Variants in RALYL observed in about 807,000 individuals in gnomAD.
RALYL encodes RNA-binding Raly-like protein.
RALYL carries 29 observed loss-of-function variants against 35.1 expected under a neutral mutation model. That is an observed-to-expected ratio of 0.83 (90% CI 0.61 to 1.13). The LOEUF is 1.13. Ranked by LOEUF, RALYL falls within the 50% of genes most tolerant of loss-of-function variation. The probability of loss-of-function intolerance (pLI) is 0.00; values close to 1 mark genes in which losing one functional copy is unlikely to be tolerated. For missense variants in RALYL, 359 were observed against 360.4 expected (o/e 1.00, Z 0.03); for synonymous variants, 120 against 127.6 (o/e 0.94, Z 0.40).
chr8:84,912,576 T>C (rs1244736667), intron 8 of RALYL, among the ~76,000 whole-genome samples: 1 of 152,018 alleles, frequency 6.6e-6, no homozygotes, highest in Non-Finnish European at 1.5e-5. Flanking sequence ...CAGAAGAGGA[T>C]CTCCAAAACA....
At chr8:84,240,516 A>G (rs921140149) in intron 1 of RALYL, among the ~76,000 whole-genome samples, 1 of 152,200 alleles carries the variant, frequency 6.6e-6, no homozygotes, top group African/African-American at 2.4e-5. Flanking sequence ...GGGAACTTTC[A>G]TTCTTCAAGA....
intron 1 of RALYL, among the ~76,000 whole-genome samples, chr8:84,209,408 A>T (rs1818905350): frequency 6.6e-6 from 1 of 152,200 alleles, no homozygotes; most frequent in African/African-American, 2.4e-5. Flanking sequence ...CTAGACTCAG[A>T]TACTAGCTTT....
intron 1 of RALYL, among the ~76,000 whole-genome samples, chr8:84,469,316 T>C (rs1290256303): frequency 6.6e-6 from 1 of 151,860 alleles, no homozygotes; most frequent in African/African-American, 2.4e-5. Context: ...TACAGATGGG[T>C]TTTTGGTGTG....
At chr8:84,799,714 T>C (rs1822762434) in intron 3 of RALYL, among the ~76,000 whole-genome samples, 1 of 152,194 alleles carries the variant, frequency 6.6e-6, no homozygotes, top group Non-Finnish European at 1.5e-5. Flanking sequence ...CCCAGCACTT[T>C]GGGAGGCCGA....
At chr8:84,590,387 T>A (rs1347975805) in intron 2 of RALYL, among the ~76,000 whole-genome samples, 1 of 152,210 alleles carries the variant, frequency 6.6e-6, no homozygotes, top group East Asian at 1.9e-4. Flanking sequence ...CAGAATTATC[T>A]CAACAGTGTG....
At chr8:84,598,229 C>G (rs1815057147) in intron 2 of RALYL, among the ~76,000 whole-genome samples, 1 of 152,120 alleles carries the variant, frequency 6.6e-6, no homozygotes, top group Non-Finnish European at 1.5e-5. Flanking sequence ...TACAGTGGTG[C>G]AGTCATAACT....
rs144937360 is a variant in RALYL, at chr8:84,341,949, G to T, written c.-24+157525G>T. ...AATTGTGATAAGGAGGATTTAATTA[G>T]GTTGCACATGATAACCTAGTGTAAC... On this transcript the variant is annotated intron_variant, in intron 1 of 8. Coordinates refer to ENST00000521268, the MANE Select transcript of RALYL (RefSeq NM_173848.7). Among the ~76,000 whole-genome samples, 654 of 151,886 alleles carry T rather than the reference G, an allele frequency of 4.3e-3. 1 individual carries two copies. Among genetic ancestry groups the T allele is most frequent in the Non-Finnish European group, 7.0e-3 (475 of 67,898 alleles).
chr8:84,555,326 C>T (rs893950143), intron 2 of RALYL, among the ~76,000 whole-genome samples: 1 of 152,094 alleles, frequency 6.6e-6, no homozygotes, highest in African/African-American at 2.4e-5. Flanking sequence ...TTGGCTCCCA[C>T]ATGATTACTT....
At chr8:84,502,146 A>G (rs919177437) in intron 1 of RALYL, among the ~76,000 whole-genome samples, 1 of 152,028 alleles carries the variant, frequency 6.6e-6, no homozygotes, top group South Asian at 2.1e-4. Context: ...TTTTGAAAGA[A>G]TTTCAGTAAG....
chr8:84,688,685 AC>A (rs1351557555), intron 2 of RALYL, among the ~76,000 whole-genome samples: 1 of 152,144 alleles, frequency 6.6e-6, no homozygotes, highest in Non-Finnish European at 1.5e-5. Flanking sequence ...TTTTACTATA[AC>A]CCCAAAAGCA....
intron 1 of RALYL, among the ~76,000 whole-genome samples, chr8:84,466,727 C>T (rs1480238843): frequency 1.3e-5 from 2 of 152,006 alleles, no homozygotes; most frequent in South Asian, 4.2e-4. Context: ...GGTACCAGTT[C>T]CTCCTTGTAC....
At position 84,350,846 on chromosome 8, in the gene RALYL, C is replaced by CTT. The variant is rs1850749706; in HGVS notation, c.-24+166424_-24+166425dup. ...AGGAGAGAAATCAATAGAAGAGTTG[C>CTT]TTTCTATGCTCCGAAGAGCTTTGCC... On this transcript the variant is annotated intron_variant, in intron 1 of 8. Coordinates refer to ENST00000521268, the MANE Select transcript of RALYL (RefSeq NM_173848.7). Among the ~76,000 whole-genome samples, 2 of 150,014 alleles carry CTT rather than the reference C, an allele frequency of 1.3e-5. 1 individual carries two copies. Among genetic ancestry groups the CTT allele is most frequent in the Admixed American group, 1.3e-4 (2 of 15,138 alleles).
chr8:84,542,279 A>G (rs1218460463), intron 2 of RALYL, among the ~76,000 whole-genome samples: 1 of 152,050 alleles, frequency 6.6e-6, no homozygotes, highest in Non-Finnish European at 1.5e-5. Context: ...TAAATTCCAA[A>G]TCTCAGATTA....
chr8:84,371,549 A>ACACT (rs1443420281), intron 1 of RALYL, among the ~76,000 whole-genome samples: 1 of 150,546 alleles, frequency 6.6e-6, no homozygotes, highest in Admixed American at 6.6e-5. Flanking sequence ...TCACACACAC[A>ACACT]CACACACACA....
chr8:84,480,230 CATT>C (rs1365299039), intron 1 of RALYL, among the ~76,000 whole-genome samples: 1 of 151,966 alleles, frequency 6.6e-6, no homozygotes, highest in Non-Finnish European at 1.5e-5. Context: ...TTTAGAATAT[CATT>C]AATATCTGGA....
chr8:84,534,270 C>T (rs2135070848), intron 2 of RALYL, among the ~76,000 whole-genome samples: 1 of 152,348 alleles, frequency 6.6e-6, no homozygotes, highest in South Asian at 2.1e-4. Context: ...TGAAGCTCTG[C>T]ACCACCTCAC....
chr8:84,830,565 C>T (rs1322160938), intron 4 of RALYL, among the ~76,000 whole-genome samples: 1 of 151,958 alleles, frequency 6.6e-6, no homozygotes, highest in African/African-American at 2.4e-5. Flanking sequence ...GCCAAGTAAA[C>T]AATGATTGTA....
At chr8:84,695,783 T>G (rs1839005198) in intron 2 of RALYL, among the ~76,000 whole-genome samples, 1 of 151,890 alleles carries the variant, frequency 6.6e-6, no homozygotes, top group Non-Finnish European at 1.5e-5. Flanking sequence ...CAACATTATT[T>G]GTTGAACACC....
chr8:84,295,603 G>C (rs541902419), intron 1 of RALYL, among the ~76,000 whole-genome samples: 23 of 152,068 alleles, frequency 1.5e-4, no homozygotes, highest in Non-Finnish European at 3.4e-4. Context: ...CCAGCCTGAA[G>C]TGTGGTGTTC....
Sources: gnomAD v4.1 joint callset for allele counts (sites outside exome capture counted in the v4.1 genomes callset) on GRCh38, gnomAD v4.1.1 for gene constraint, MANE v1.5 for transcripts, NCBI Gene and HGNC (gene_info 2026-07-23, HGNC 2026-07-21) for gene names.